ST6GALNAC5: variants seen among roughly 807,000 people sequenced by gnomAD.
ST6GALNAC5 encodes the protein ST6 N-acetylgalactosaminide alpha-2,6-sialyltransferase 5.
Under a neutral mutation model 33.6 loss-of-function variants are expected in ST6GALNAC5, and 27 were observed. The observed-to-expected ratio is 0.80, with a 90% CI of 0.59 to 1.11. ST6GALNAC5 has a LOEUF of 1.11. Ranked by LOEUF, ST6GALNAC5 falls within the 50% of genes least tolerant of loss-of-function variation. The pLI, the probability that ST6GALNAC5 is intolerant of heterozygous loss-of-function variation, is 0.00. For missense variants in ST6GALNAC5, 428 were observed against 454.0 expected, an observed-to-expected ratio of 0.94 and a Z score of 0.52; for synonymous variants, 194 against 171.2, an observed-to-expected ratio of 1.13 and a Z score of -1.04.
At chr1:76,924,463 G>A (rs1169831977) in intron 2 of ST6GALNAC5, among the ~76,000 whole-genome samples, 1 of 152,144 alleles carries the variant, frequency 6.6e-6, no homozygotes, top group African/African-American at 2.4e-5. Flanking sequence ...CAAACTTTGT[G>A]TCTAACATTT....
intron 2 of ST6GALNAC5, among the ~76,000 whole-genome samples, chr1:76,983,816 A>T (rs1444406577): frequency 6.6e-6 from 1 of 152,270 alleles, no homozygotes; most frequent in African/African-American, 2.4e-5. Flanking sequence ...ACTGTCTCTC[A>T]GACCACACTG....
At chr1:76,967,588 T>C (rs1648552707) in intron 2 of ST6GALNAC5, among the ~76,000 whole-genome samples, 2 of 152,226 alleles carry the variant, frequency 1.3e-5, no homozygotes, top group African/African-American at 4.8e-5. Flanking sequence ...TCTCTTTCAG[T>C]GCTGCTCTGA....
At chr1:76,953,052 C>A (rs1449605441) in intron 2 of ST6GALNAC5, among the ~76,000 whole-genome samples, 3 of 152,118 alleles carry the variant, frequency 2.0e-5, no homozygotes, top group Non-Finnish European at 4.4e-5. Flanking sequence ...TTCCATTGTG[C>A]AGATAAACCA....
chr1:76,931,022 GAC>G (rs1647135492), intron 2 of ST6GALNAC5, among the ~76,000 whole-genome samples: 1 of 152,066 alleles, frequency 6.6e-6, no homozygotes, highest in East Asian at 1.9e-4. Flanking sequence ...TATTCATGAT[GAC>G]ACATATGCAG....
intron 2 of ST6GALNAC5, among the ~76,000 whole-genome samples, chr1:77,037,965 C>T (rs930790088): frequency 6.6e-6 from 1 of 152,196 alleles, no homozygotes; most frequent in Non-Finnish European, 1.5e-5. Context: ...GATGGCAAAG[C>T]TTCCCTTTGA....
At chr1:76,899,402 C>T (rs957951496) in intron 2 of ST6GALNAC5, among the ~76,000 whole-genome samples, 8 of 151,682 alleles carry the variant, frequency 5.3e-5, no homozygotes, top group African/African-American at 1.9e-4. Context: ...GATAAGAGGT[C>T]AGGGCATGGA....
intron 2 of ST6GALNAC5, among the ~76,000 whole-genome samples, chr1:77,004,854 G>A (rs1325677914): frequency 7.4e-6 from 1 of 134,344 alleles, no homozygotes; most frequent in East Asian, 2.3e-4. Flanking sequence ...CCCGTTCTCA[G>A]ATCTCCAGCT....
chr1:76,876,843 G>A (rs890465142), intron 2 of ST6GALNAC5, among the ~76,000 whole-genome samples: 7 of 152,206 alleles, frequency 4.6e-5, no homozygotes, highest in Middle Eastern at 6.8e-3. Flanking sequence ...TAGTCTTCTC[G>A]TCTCTGTCAA....
chr1:76,996,018 G>A (rs1417593196), intron 2 of ST6GALNAC5, among the ~76,000 whole-genome samples: 1 of 152,180 alleles, frequency 6.6e-6, no homozygotes, highest in Non-Finnish European at 1.5e-5. Flanking sequence ...CAGTGTTATA[G>A]ACACCTTTAT....
chr1:77,014,554 A>G (rs955026562), intron 2 of ST6GALNAC5, among the ~76,000 whole-genome samples: 2 of 152,216 alleles, frequency 1.3e-5, no homozygotes, highest in African/African-American at 4.8e-5. Flanking sequence ...AAGATGCAAA[A>G]TGGAATGTGT....
In ST6GALNAC5 at chr1:77,034,355, G is replaced by C. The variant is rs1035044928; in HGVS notation, c.262-9849G>C. ...TTGTGTCTCTTCTTATAACTTCACC[G>C]GTGACTGGATTGAGAGCCTACCCTC... is the stretch of plus-strand genomic sequence containing the variant. On this transcript the variant is annotated intron_variant, in intron 2 of 4. Transcript: ENST00000477717. Among the ~76,000 whole-genome samples, 8 of 151,798 alleles carry C rather than the reference G, an allele frequency of 5.3e-5. No homozygotes were observed. The East Asian group carries it at 1.5e-3, about 29-fold the overall frequency.
At chr1:76,892,637 C>T (rs75809912) in intron 2 of ST6GALNAC5, among the ~76,000 whole-genome samples, 13,461 of 152,200 alleles carry the variant, frequency 0.088, 793 homozygotes, top group South Asian at 0.22. Context: ...AAAGACTCTT[C>T]GACAATGCCA....
intron 2 of ST6GALNAC5, among the ~76,000 whole-genome samples, chr1:76,894,087 C>T (rs978426976): frequency 6.6e-6 from 1 of 152,166 alleles, no homozygotes; most frequent in African/African-American, 2.4e-5. Flanking sequence ...CCTTTGAAAT[C>T]GGTTCAAGAC....
At chr1:77,041,001 T>C (rs1020562583) in intron 2 of ST6GALNAC5, among the ~76,000 whole-genome samples, 4 of 152,242 alleles carry the variant, frequency 2.6e-5, no homozygotes, top group African/African-American at 9.6e-5. Flanking sequence ...TGTCAACTCT[T>C]TGCAGTCAGC....
rs1219678753 is a variant in ST6GALNAC5 at position 76,914,930 on chromosome 1, G to A, written c.261+46188G>A. On this transcript the variant is annotated intron_variant, in intron 2 of 4. Coordinates refer to ENST00000477717, the MANE Select transcript of ST6GALNAC5 (RefSeq NM_030965.3). ...ACCTACAAAATGGGAGAAAATTTTT[G>A]CAACCTACTCATCTGACAAAGGGCT... Among the ~76,000 whole-genome samples, 583 of 151,816 alleles carry A rather than the reference G, an allele frequency of 3.8e-3. 3 individuals are homozygous for A. The highest frequency in any genetic ancestry group is 0.013 in the African/African-American group (537 of 41,412).
chr1:76,875,309 C>T (rs1437107481), intron 2 of ST6GALNAC5, among the ~76,000 whole-genome samples: 5 of 152,304 alleles, frequency 3.3e-5, no homozygotes, highest in South Asian at 2.1e-4. Flanking sequence ...TGTAGTCCTA[C>T]CTGGATTGGG....
rs188753729 is a variant in ST6GALNAC5 at position 76,904,931 on chromosome 1, T to C, written c.261+36189T>C. Among the ~76,000 whole-genome samples the C allele has an allele frequency of 3.4e-3, 524 of 152,230 alleles. 2 individuals are homozygous for C. The highest frequency in any genetic ancestry group is 0.012 in the African/African-American group (510 of 41,540). On this transcript the variant is annotated intron_variant, in intron 2 of 4. Coordinates refer to ENST00000477717, the MANE Select transcript of ST6GALNAC5 (RefSeq NM_030965.3). ...TCTATGCTGTAGGAAGACAGATTAG[T>C]ATATATCCTTGTGGGGGGCTGTGAA...
At chr1:76,919,444 G>A (rs1000686766) in intron 2 of ST6GALNAC5, among the ~76,000 whole-genome samples, 3 of 152,032 alleles carry the variant, frequency 2.0e-5, no homozygotes, top group South Asian at 2.1e-4. Context: ...AATGGGTTTC[G>A]ATTTAGTCTT....
At chr1:76,910,367 G>A (rs1187009161) in intron 2 of ST6GALNAC5, among the ~76,000 whole-genome samples, 1 of 152,012 alleles carries the variant, frequency 6.6e-6, no homozygotes, top group African/African-American at 2.4e-5. Flanking sequence ...GGTTAAAGAT[G>A]TGTGATTTTT....
Sources: gnomAD v4.1 joint callset for allele counts (sites outside exome capture counted in the v4.1 genomes callset) on GRCh38, gnomAD v4.1.1 for gene constraint, MANE v1.5 for transcripts, NCBI Gene and HGNC (gene_info 2026-07-23, HGNC 2026-07-21) for gene names.